The following AGMO variants were observed in gnomAD, a reference collection of about 807,000 sequenced individuals.
AGMO encodes glyceryl-ether monooxygenase.
A neutral mutation model predicts 60.2 loss-of-function variants in AGMO; 75 were observed. The ratio of observed to expected loss-of-function variants is 1.25; its 90% CI spans 1.03 to 1.51. AGMO has a LOEUF of 1.51. AGMO is among the 40% of genes most tolerant of loss of function. AGMO has a pLI of 0.00. For synonymous variants in AGMO, 261 were observed against 177.1 expected (o/e 1.47, Z -3.76); for missense variants, 763 against 525.5 (o/e 1.45, Z -4.42).
intron 12 of AGMO, among the ~76,000 whole-genome samples, chr7:15,259,573 T>C (rs116210896): frequency 0.022 from 3,308 of 152,138 alleles, 109 homozygotes; most frequent in African/African-American, 0.076. Flanking sequence ...GGGAAACTCA[T>C]TGCTAAAAGA....
chr7:15,276,698 A>G (rs1431978723), intron 12 of AGMO, among the ~76,000 whole-genome samples: 1 of 152,118 alleles, frequency 6.6e-6, no homozygotes. Context: ...GTGACTTTAT[A>G]TAATCCCAGA....
At chr7:15,193,320 C>A in the AGMO span, among the ~76,000 whole-genome samples, 1 of 152,066 alleles carries the variant, frequency 6.6e-6, no homozygotes, top group East Asian at 1.9e-4. Context: ...TGCCTACATT[C>A]AGAATAACGT....
chr7:15,473,760 C>T (rs988832754), intron 3 of AGMO, among the ~76,000 whole-genome samples: 12 of 150,924 alleles, frequency 8.0e-5, no homozygotes, highest in South Asian at 2.1e-4. Context: ...TAGGAAGAGA[C>T]GTCAAATTGT....
the AGMO span, among the ~76,000 whole-genome samples, chr7:15,122,020 C>T: frequency 1.3e-5 from 2 of 152,060 alleles, no homozygotes; most frequent in African/African-American, 4.8e-5. Context: ...GACTAAAACA[C>T]CAAAATCAAT....
the AGMO span, among the ~76,000 whole-genome samples, chr7:15,192,504 G>C: frequency 2.0e-5 from 3 of 152,016 alleles, no homozygotes. Context: ...ATCCCACTGA[G>C]AGCCACCTCC....
chr7:15,270,851 A>C (rs2128513725), intron 12 of AGMO, among the ~76,000 whole-genome samples: 1 of 151,714 alleles, frequency 6.6e-6, no homozygotes, highest in East Asian at 1.9e-4. Context: ...ATGGTGAGAA[A>C]CAGTGGTACA....
the AGMO span, among the ~76,000 whole-genome samples, chr7:15,150,352 T>A: frequency 5.3e-5 from 8 of 152,016 alleles, no homozygotes; most frequent in Non-Finnish European, 8.8e-5. Context: ...TAGGAATGAA[T>A]GCTGAGAAGG....
At chr7:15,310,880 G>A (rs1780750588) in intron 12 of AGMO, among the ~76,000 whole-genome samples, 1 of 152,126 alleles carries the variant, frequency 6.6e-6, no homozygotes. Context: ...TCTAGAGGCT[G>A]CCCGCATTCT....
chr7:15,467,700 G>A (rs1474544613), intron 3 of AGMO, among the ~76,000 whole-genome samples: 1 of 152,080 alleles, frequency 6.6e-6, no homozygotes, highest in African/African-American at 2.4e-5. Flanking sequence ...ACATGTATCT[G>A]TATTTTTGGA....
At chr7:15,376,618 C>A (rs1267994312) in intron 10 of AGMO, among the ~76,000 whole-genome samples, 1 of 151,956 alleles carries the variant, frequency 6.6e-6, no homozygotes, top group African/African-American at 2.4e-5. Context: ...TATTATAAGA[C>A]CTTATTGAAT....
At chr7:15,344,551 A>G (rs1159977504) in intron 12 of AGMO, among the ~76,000 whole-genome samples, 1 of 152,052 alleles carries the variant, frequency 6.6e-6, no homozygotes, top group Non-Finnish European at 1.5e-5. Flanking sequence ...TACAAAAATT[A>G]GCCAGGCATC....
intron 2 of AGMO, among the ~76,000 whole-genome samples, chr7:15,552,495 C>G (rs1477331579): frequency 1.3e-5 from 2 of 149,964 alleles, no homozygotes; most frequent in Non-Finnish European, 3.0e-5. Flanking sequence ...ACAACCCCAT[C>G]AAAAAGTGGG....
chr7:15,367,061 A>C (rs1783015708), intron 10 of AGMO, among the ~76,000 whole-genome samples: 1 of 151,984 alleles, frequency 6.6e-6, no homozygotes, highest in Admixed American at 6.6e-5. Context: ...CATTCTGTAT[A>C]AAAACTAATT....
chr7:15,436,421 A>T (rs1478983269), intron 3 of AGMO, among the ~76,000 whole-genome samples: 1 of 152,142 alleles, frequency 6.6e-6, no homozygotes, highest in African/African-American at 2.4e-5. Context: ...AAGAGAGTGA[A>T]CCCACTCGCA....
chr7:15,483,121 A>G (rs1782805290), intron 3 of AGMO, among the ~76,000 whole-genome samples: 1 of 152,224 alleles, frequency 6.6e-6, no homozygotes, highest in Non-Finnish European at 1.5e-5. Flanking sequence ...AGCAGACATT[A>G]GAATTATGTA....
chr7:15,202,509 T>G (rs1368679915), intron 12 of AGMO, among the ~76,000 whole-genome samples: 1 of 127,508 alleles, frequency 7.8e-6, no homozygotes, highest in Non-Finnish European at 1.7e-5. Context: ...ACAAGGATGT[T>G]TCCATTTATG....
intron 12 of AGMO, among the ~76,000 whole-genome samples, chr7:15,211,420 C>A (rs1350150879): frequency 6.6e-6 from 1 of 151,774 alleles, no homozygotes; most frequent in Non-Finnish European, 1.5e-5. Flanking sequence ...AAAGCTGCGG[C>A]TATATGATAA....
At chr7:15,389,840 T>A (rs1784064424) in intron 8 of AGMO, among the ~76,000 whole-genome samples, 1 of 152,220 alleles carries the variant, frequency 6.6e-6, no homozygotes, top group African/African-American at 2.4e-5. Context: ...GCTGCGCTGT[T>A]AGCAGTGCAC....
chr7:15,325,920 ACGGAGG>A (rs946605083), intron 12 of AGMO, among the ~76,000 whole-genome samples: 41 of 151,008 alleles, frequency 2.7e-4, no homozygotes, highest in Middle Eastern at 3.4e-3. Context: ...GAGGAAGAAG[ACGGAGG>A]AGGAGGAGGA....
Sources: gnomAD v4.1 joint callset for allele counts (sites outside exome capture counted in the v4.1 genomes callset) on GRCh38, gnomAD v4.1.1 for gene constraint, MANE v1.5 for transcripts, NCBI Gene and HGNC (gene_info 2026-07-23, HGNC 2026-07-21) for gene names.